The following HIF3A variants were observed in gnomAD, a reference collection of about 807,000 sequenced individuals.
The protein encoded by HIF3A is hypoxia-inducible factor 3-alpha.
In HIF3A, 41 loss-of-function variants were observed where a neutral mutation model predicts 67.2. That is an observed-to-expected ratio of 0.61 (90% CI 0.48 to 0.79). The LOEUF is 0.79. HIF3A is among the 30% of genes least tolerant of loss of function. HIF3A has a pLI of 0.00. For missense variants in HIF3A, 855 were observed against 898.0 expected (o/e 0.95, Z 0.61); for synonymous variants, 356 against 374.8 (o/e 0.95, Z 0.58).
chr19:46,326,165 G>A (rs1022003521), intron 11 of HIF3A, among the ~76,000 whole-genome samples: 1 of 152,206 alleles, frequency 6.6e-6, no homozygotes, highest in African/African-American at 2.4e-5. Context: ...CACACATGAG[G>A]TTGTTGGCAG....
intron 8 of HIF3A, chr19:46,312,892 T>G (rs1393606161): frequency 1.5e-5 from 7 of 468,608 alleles, no homozygotes; most frequent in Non-Finnish European, 1.8e-5. Flanking sequence ...ATTTTTTTTT[T>G]TTTTTTTTTT....
intron 5 of HIF3A, 57 bp from the exon 6 acceptor site, chr19:46,309,094 A>G: frequency 6.8e-7 from 1 of 1,472,402 alleles, no homozygotes; most frequent in South Asian, 1.2e-5. Flanking sequence ...TTCCAACCCC[A>G]TGGGTGGTCT....
intron 10 of HIF3A, among the ~76,000 whole-genome samples, chr19:46,322,289 A>G (rs911886421): frequency 3.3e-5 from 5 of 152,136 alleles, no homozygotes; most frequent in Non-Finnish European, 7.4e-5. Context: ...CACACCAAGC[A>G]GCGGACACCA....
chr19:46,298,880 C>T (rs576129719), intron 1 of HIF3A, among the ~76,000 whole-genome samples: 43 of 145,936 alleles, frequency 2.9e-4, no homozygotes, highest in Non-Finnish European at 4.5e-4. Context: ...CTGTGCTTTT[C>T]GTAAGACGCC....
At chr19:46,318,083 A>C (rs1970059425) in intron 8 of HIF3A, among the ~76,000 whole-genome samples, 1 of 151,694 alleles carries the variant, frequency 6.6e-6, no homozygotes, top group Admixed American at 6.6e-5. Flanking sequence ...TGATCCACCC[A>C]CCTCAGCCTC....
chr19:46,308,498 C>A, intron 4 of HIF3A, 165 bp from the exon 5 acceptor site: 1 of 633,112 alleles, frequency 1.6e-6, no homozygotes, highest in Middle Eastern at 4.3e-4. Context: ...CAGCCCTGCC[C>A]TGGGGGGTCC....
chr19:46,321,390 C>T (rs1186970827), intron 9 of HIF3A, among the ~76,000 whole-genome samples: 2 of 152,110 alleles, frequency 1.3e-5, no homozygotes, highest in Non-Finnish European at 2.9e-5. Flanking sequence ...TTGAGATCAG[C>T]CTGGCCAACA....
In HIF3A at chr19:46,308,297, C is replaced by G; in HGVS notation, c.440C>G (p.Pro147Arg). ...GAGGAGCTTCAGGACGCCCTGACCC[C>G]CCAGCAGAGTGAGTTCCCTGGAGGC... ...DQEELQDALT[P>R]QQTLSRRKVE... The change falls in exon 4 of 15, where the codon CCC (proline) becomes CGC (arginine). Residue 147 changes from proline to arginine, a missense_variant. Pro to Arg is a moderately radical substitution (Grantham distance 103, BLOSUM62 -2). This residue lies in a region of HIF3A where 638 missense variants were observed against 660.5 expected (regional missense o/e 0.97). Coordinates refer to ENST00000377670, the MANE Select transcript of HIF3A (RefSeq NM_152795.4). 6.2e-7 allele frequency: 1 copy of G among 1,609,226 alleles called. No individual in the cohort carries two copies. The highest frequency in any genetic ancestry group is 8.5e-7 in the Non-Finnish European group (1 of 1,176,804).
chr19:46,327,997 A>G (rs1970915671), intron 11 of HIF3A, among the ~76,000 whole-genome samples: 1 of 152,162 alleles, frequency 6.6e-6, no homozygotes, highest in Non-Finnish European at 1.5e-5. Context: ...CAGAGTTTTT[A>G]TTGGGGTTTC....
rs1441327216 is a variant in HIF3A at position 46,320,465 on chromosome 19, G to A, written c.1048G>A (p.Val350Met). ...CAGCCAGGTGGAAGAGACCGGAGTG[G>A]TGCTGTCCCTGGAGCAAACGGAGCA... Reference protein sequence around the residue: ...LISQVEETGVVLSLEQTEQHS... With the variant: ...LISQVEETGVMLSLEQTEQHS... The change falls in exon 9 of 15, where the codon GTG (valine) becomes ATG (methionine). Residue 350 changes from valine to methionine, a missense_variant. Val to Met is a conservative substitution (Grantham distance 21). Around this residue, in one of 3 missense-constraint regions of HIF3A, gnomAD observed 638 missense variants for 660.5 expected, o/e 0.97. Coordinates refer to ENST00000377670, the MANE Select transcript of HIF3A (RefSeq NM_152795.4). 3.1e-6 allele frequency: 5 copies of A among 1,614,132 alleles called. No individual in the cohort carries two copies. Among genetic ancestry groups the A allele is most frequent in the Non-Finnish European group, 4.2e-6 (5 of 1,179,976 alleles).
At chr19:46,298,865 A>T (rs28564298) in intron 1 of HIF3A, among the ~76,000 whole-genome samples, 31,711 of 151,424 alleles carry the variant, frequency 0.21, 3,853 homozygotes, top group East Asian at 0.49. Flanking sequence ...CACCCACCAA[A>T]TCCTCTGTGC....
chr19:46,312,972 T>G, intron 8 of HIF3A: 1 of 1,006,488 alleles, frequency 9.9e-7, no homozygotes, highest in Non-Finnish European at 1.2e-6. Flanking sequence ...TTATTTGGCC[T>G]GGCATGGTGG....
chr19:46,305,753 AG>A (rs779349242), intron 3 of HIF3A, among the ~76,000 whole-genome samples: 3 of 152,042 alleles, frequency 2.0e-5, no homozygotes, highest in Non-Finnish European at 4.4e-5. Flanking sequence ...AAAGGCCAAG[AG>A]GTGAGGAAAA....
chr19:46,333,189 CACTT>C (rs1265463977), intron 13 of HIF3A, among the ~76,000 whole-genome samples: 1 of 152,138 alleles, frequency 6.6e-6, no homozygotes, highest in Non-Finnish European at 1.5e-5. Context: ...CTGTTATACA[CACTT>C]ACACAGAAGA....
At chr19:46,321,734 A>G (rs774170898) in intron 9 of HIF3A, 42 bp from the exon 10 acceptor site, 2 of 1,575,374 alleles carry the variant, frequency 1.3e-6, no homozygotes, top group Non-Finnish European at 8.7e-7. Flanking sequence ...CTTGGCCCTC[A>G]GTCACCAGCC....
At chr19:46,329,677 C>T (rs1159364862) in intron 12 of HIF3A, among the ~76,000 whole-genome samples, 199 bp downstream of exon 12, 1 of 152,168 alleles carries the variant, frequency 6.6e-6, no homozygotes, top group African/African-American at 2.4e-5. Flanking sequence ...TCTGGAGTGC[C>T]CTCCACTGCT....
intron 11 of HIF3A, among the ~76,000 whole-genome samples, chr19:46,325,855 G>A (rs1970744464): frequency 1.3e-5 from 2 of 152,320 alleles, no homozygotes; most frequent in South Asian, 4.1e-4. Context: ...TGAATGTTTG[G>A]ATGGATATTT....
At position 46,339,657 on chromosome 19, in the gene HIF3A, C is replaced by T. The variant is rs369285894; in HGVS notation, c.*35C>T. The T allele has an allele frequency of 1.2e-5, 17 of 1,477,278 alleles. No individual in the cohort carries two copies. The highest frequency in any genetic ancestry group is 1.6e-5 in the Non-Finnish European group (17 of 1,075,760). 91.5% of individuals were successfully genotyped at this position (1,477,278 alleles called of 1,614,324 possible). ...TCTCCCCATCTGCCTTCTCCTCCCC[C>T]AGAAAGGACCTCAACCACACTCCAC... On this transcript the variant is annotated 3_prime_UTR_variant, in exon 15 of 15. Coordinates refer to ENST00000377670, the MANE Select transcript of HIF3A (RefSeq NM_152795.4).
rs1971010084 is a variant in HIF3A, at chr19:46,329,290, AC to A, written c.1527del (p.Arg510GlyfsTer40). 6.2e-7 allele frequency: 1 copy of A among 1,613,244 alleles called. No individual in the cohort carries two copies. The highest frequency in any genetic ancestry group is 8.5e-7 in the Non-Finnish European group (1 of 1,179,988). On this transcript the variant is annotated frameshift_variant, in exon 12 of 15. Transcript: ENST00000377670. LOFTEE classifies it high-confidence loss of function. ...TCCAGCTCAACGCCAGCGAGCAGCT[AC>A]CCAGGGCCTACCACAGACCTCTGGG... ...DFQLNASEQL[P>X]RAYHRPLGAV...
Sources: gnomAD v4.1 joint callset for allele counts (sites outside exome capture counted in the v4.1 genomes callset) on GRCh38, gnomAD v4.1.1 for gene constraint, gnomAD v4.1.1 regional missense constraint, MANE v1.5 for transcripts, NCBI Gene and HGNC (gene_info 2026-07-23, HGNC 2026-07-21) for gene names.